The following ADAMTSL1 variants were observed in gnomAD, a reference collection of about 807,000 sequenced individuals.
ADAMTSL1 encodes ADAMTS-like protein 1.
A neutral mutation model predicts 201.8 loss-of-function variants in ADAMTSL1; 126 were observed. The ratio of observed to expected loss-of-function variants is 0.62; its 90% CI spans 0.54 to 0.72. The LOEUF (loss-of-function observed/expected upper bound fraction) is 0.72, where lower values mean the gene tolerates loss of function less well. Ranked by LOEUF, ADAMTSL1 falls within the 30% of genes least tolerant of loss-of-function variation. The pLI, the probability that ADAMTSL1 is intolerant of heterozygous loss-of-function variation, is 0.00. For missense variants in ADAMTSL1, 2,679 were observed against 2,277.8 expected, an observed-to-expected ratio of 1.18 and a Z score of -3.59; for synonymous variants, 1,121 against 903.4, an observed-to-expected ratio of 1.24 and a Z score of -4.32.
chr9:18,566,416 G>A lies in ADAMTSL1; in HGVS notation c.238-7614G>A, dbSNP rs1262348040. On this transcript the variant is annotated intron_variant, in intron 3 of 28. Transcript: ENST00000380548. ...ATAAAATGTTAAGCACAGTAAATGA[G>A]TAAATTATCCGATATACTTGTGGGT... Among the ~76,000 whole-genome samples, 6 of 152,190 alleles carry A rather than the reference G, an allele frequency of 3.9e-5. No individual in the cohort carries two copies. The South Asian group carries it at 6.2e-4, about 16-fold the overall frequency.
chr9:17,988,266 T>G (rs1819006199), intron 1 of ADAMTSL1, among the ~76,000 whole-genome samples: 1 of 152,112 alleles, frequency 6.6e-6, no homozygotes, highest in Non-Finnish European at 1.5e-5. Flanking sequence ...TCAAGCCTGT[T>G]AGAGGTATGA....
chr9:18,661,371 G>A (rs765802384), intron 8 of ADAMTSL1, among the ~76,000 whole-genome samples: 1 of 152,062 alleles, frequency 6.6e-6, no homozygotes, highest in Non-Finnish European at 1.5e-5. Flanking sequence ...GTCTACTGTT[G>A]GAATCTCAAT....
chr9:18,535,329 C>T (rs372315447), intron 3 of ADAMTSL1, among the ~76,000 whole-genome samples: 2 of 152,338 alleles, frequency 1.3e-5, no homozygotes, highest in East Asian at 3.9e-4. Context: ...ACCACCCCAG[C>T]CTGGACTTTG....
At chr9:18,767,839 C>G (rs542096554) in intron 16 of ADAMTSL1, among the ~76,000 whole-genome samples, 1 of 152,296 alleles carries the variant, frequency 6.6e-6, no homozygotes, top group South Asian at 2.1e-4. Flanking sequence ...ACAAAGAAGA[C>G]AAAGGCTTAG....
intron 19 of ADAMTSL1, among the ~76,000 whole-genome samples, chr9:18,792,156 CTTCCTCACAAT>C (rs1283733601): frequency 6.6e-6 from 1 of 152,150 alleles, no homozygotes; most frequent in Non-Finnish European, 1.5e-5. Context: ...CCTCTCACTC[CTTCCTCACAAT>C]TTCCTCATCC....
intron 2 of ADAMTSL1, among the ~76,000 whole-genome samples, chr9:18,417,222 T>A (rs1818715025): frequency 6.6e-6 from 1 of 151,740 alleles, no homozygotes; most frequent in African/African-American, 2.4e-5. Context: ...TGAACTGAGA[T>A]CCCACTAGAG....
intron 2 of ADAMTSL1, among the ~76,000 whole-genome samples, chr9:18,172,153 G>A (rs1026765592): frequency 5.3e-5 from 8 of 151,972 alleles, no homozygotes; most frequent in South Asian, 2.1e-4. Context: ...GGGAGGGATA[G>A]CATTAGGAGA....
chr9:18,543,581 T>G (rs894346495), intron 3 of ADAMTSL1, among the ~76,000 whole-genome samples: 2 of 152,218 alleles, frequency 1.3e-5, no homozygotes, highest in African/African-American at 4.8e-5. Context: ...TCATTTCTTT[T>G]TCGCTAGTTA....
intron 2 of ADAMTSL1, among the ~76,000 whole-genome samples, chr9:18,459,962 G>A (rs997462051): frequency 6.6e-6 from 1 of 152,160 alleles, no homozygotes; most frequent in Non-Finnish European, 1.5e-5. Context: ...GAATGAAGAA[G>A]CAAGCAAGAA....
intron 23 of ADAMTSL1, among the ~76,000 whole-genome samples, chr9:18,835,298 C>G (rs985988962): frequency 6.6e-6 from 1 of 151,852 alleles, no homozygotes; most frequent in African/African-American, 2.4e-5. Context: ...ATTTTTTGGA[C>G]CTTTATTTAA....
chr9:18,574,292 A>C, intron 4 of ADAMTSL1, 26 bp downstream of exon 4: 5 of 1,586,562 alleles, frequency 3.2e-6, no homozygotes, highest in East Asian at 2.2e-5. Flanking sequence ...TTCTCATTCA[A>C]CTTGTCCAGA....
intron 2 of ADAMTSL1, among the ~76,000 whole-genome samples, chr9:18,354,187 C>A (rs144899377): frequency 2.0e-5 from 3 of 151,148 alleles, no homozygotes; most frequent in Admixed American, 2.0e-4. Flanking sequence ...TTTATATTAT[C>A]TTTTAAAATA....
intron 15 of ADAMTSL1, among the ~76,000 whole-genome samples, chr9:18,735,865 C>A (rs1588014066): frequency 7.0e-6 from 1 of 143,008 alleles, no homozygotes; most frequent in African/African-American, 2.6e-5. Context: ...GCTTATGTAA[C>A]TGATGCACTT....
chr9:18,089,952 G>T (rs992076691), intron 1 of ADAMTSL1, among the ~76,000 whole-genome samples: 3 of 152,132 alleles, frequency 2.0e-5, no homozygotes, highest in Admixed American at 1.3e-4. Context: ...TTAGGTTAAG[G>T]TTGGTAATTA....
At position 18,508,983 on chromosome 9, in the gene ADAMTSL1, G is replaced by C. The variant is rs531859117; in HGVS notation, c.191+4027G>C. ...GTGGATCATGAGGTCAGGAGATCGA[G>C]ACCATCCTGGCTAACAAGGTGAAAC... On this transcript the variant is annotated intron_variant, in intron 2 of 28. Transcript: ENST00000380548. Among the ~76,000 whole-genome samples, 53 of 95,900 alleles carry C rather than the reference G, an allele frequency of 5.5e-4. 4 individuals carry two copies. The highest frequency in any genetic ancestry group is 9.4e-4 in the Non-Finnish European group (42 of 44,890). The allele number at this position is 95,900 out of a possible 152,430, so 62.9% of individuals were successfully genotyped here.
At chr9:18,051,709 T>G (rs756627287) in intron 1 of ADAMTSL1, among the ~76,000 whole-genome samples, 5 of 152,192 alleles carry the variant, frequency 3.3e-5, no homozygotes, top group Admixed American at 6.5e-5. Context: ...AAGAAGCTCC[T>G]GTTATGAAGC....
At chr9:18,410,393 G>C (rs1818388032) in intron 2 of ADAMTSL1, among the ~76,000 whole-genome samples, 1 of 152,016 alleles carries the variant, frequency 6.6e-6, no homozygotes, top group Admixed American at 6.6e-5. Flanking sequence ...GCCCCCAACA[G>C]GTGCCCAGTG....
At chr9:18,130,079 A>T (rs1738815325) in intron 1 of ADAMTSL1, among the ~76,000 whole-genome samples, 1 of 152,136 alleles carries the variant, frequency 6.6e-6, no homozygotes, top group Non-Finnish European at 1.5e-5. Context: ...CTCAGAGAGA[A>T]AAGAATGTGA....
chr9:18,218,111 A>G (rs1030050058), intron 2 of ADAMTSL1, among the ~76,000 whole-genome samples: 10 of 152,234 alleles, frequency 6.6e-5, no homozygotes, highest in African/African-American at 2.2e-4. Flanking sequence ...CTTGCTTAGT[A>G]TAAGTGGAAA....
Sources: gnomAD v4.1 joint callset for allele counts (sites outside exome capture counted in the v4.1 genomes callset) on GRCh38, gnomAD v4.1.1 for gene constraint, MANE v1.5 for transcripts, NCBI Gene and HGNC (gene_info 2026-07-23, HGNC 2026-07-21) for gene names.